The following PTPRD variants were observed in gnomAD, a reference collection of about 807,000 sequenced individuals.
PTPRD encodes the protein protein tyrosine phosphatase receptor type D.
PTPRD carries 34 observed loss-of-function variants against 214.5 expected under a neutral mutation model. The observed-to-expected ratio is 0.16, with a 90% CI of 0.12 to 0.21. The LOEUF is 0.21. Ranked by LOEUF, PTPRD falls within the 10% of genes least tolerant of loss-of-function variation. The probability of loss-of-function intolerance (pLI) is 1.00; values close to 1 mark genes in which losing one functional copy is unlikely to be tolerated. For synonymous variants in PTPRD, 1,128 were observed against 845.7 expected (o/e 1.33, Z -5.79); for missense variants, 2,545 against 2,398.7 (o/e 1.06, Z -1.27).
intron 9 of PTPRD, among the ~76,000 whole-genome samples, chr9:9,294,706 C>G (rs1164793446): frequency 6.6e-6 from 1 of 151,614 alleles, no homozygotes; most frequent in African/African-American, 2.4e-5. Context: ...CTTGCTGACA[C>G]CCTGATCTTA....
intron 3 of PTPRD, among the ~76,000 whole-genome samples, chr9:10,060,171 T>C (rs1589974198): frequency 6.6e-6 from 1 of 152,092 alleles, no homozygotes. Context: ...TTAAACTTGA[T>C]GATAATAACA....
At chr9:9,965,314 A>G (rs929915161) in intron 4 of PTPRD, among the ~76,000 whole-genome samples, 3 of 152,172 alleles carry the variant, frequency 2.0e-5, no homozygotes, top group African/African-American at 7.2e-5. Flanking sequence ...GGCTTCTAAG[A>G]AGAAACAATA....
chr9:8,926,057 C>A (rs1016595493), intron 11 of PTPRD, among the ~76,000 whole-genome samples: 2 of 151,754 alleles, frequency 1.3e-5, no homozygotes, highest in African/African-American at 4.8e-5. Context: ...TAGAAAGTAC[C>A]ACCTCTTGCC....
chr9:9,638,951 T>C (rs949373918), intron 7 of PTPRD, among the ~76,000 whole-genome samples: 19 of 152,118 alleles, frequency 1.2e-4, no homozygotes, highest in African/African-American at 4.1e-4. Flanking sequence ...TCCTTCAAAC[T>C]CTTTCATAAT....
chr9:8,661,012 T>G (rs2097034389), intron 12 of PTPRD, among the ~76,000 whole-genome samples: 1 of 152,060 alleles, frequency 6.6e-6, no homozygotes, highest in Admixed American at 6.6e-5. Context: ...TGAAAGAGCT[T>G]GTATCATTTC....
At position 9,704,894 on chromosome 9, in the gene PTPRD, A is replaced by G. The variant is rs534799780; in HGVS notation, c.-287+29639T>C. On this transcript the variant is annotated intron_variant, in intron 7 of 45. Transcript: ENST00000381196. ...ATCTGTTGATGCCACATGAAACAAAATAATCACTCAACTGAGGCCTGTCCA... is the reference window on the plus strand; with the variant it reads ...ATCTGTTGATGCCACATGAAACAAAGTAATCACTCAACTGAGGCCTGTCCA... Among the ~76,000 whole-genome samples the G allele has an allele frequency of 5.9e-5, 9 of 152,340 alleles. No individual in the cohort carries two copies. In the East Asian group the frequency reaches 1.5e-3, roughly 26 times the overall value.
chr9:10,413,207 A>G (rs1231041086), intron 2 of PTPRD, among the ~76,000 whole-genome samples: 1 of 151,896 alleles, frequency 6.6e-6, no homozygotes, highest in Non-Finnish European at 1.5e-5. Flanking sequence ...TATCTAGAAA[A>G]CCCCACAGTC....
At chr9:8,500,698 C>G (rs1448532448) in intron 24 of PTPRD, 56 bp downstream of exon 24, 1 of 1,514,130 alleles carries the variant, frequency 6.6e-7, no homozygotes, top group South Asian at 1.2e-5. Flanking sequence ...TATTGAAAGA[C>G]AGCAGATCAA....
intron 2 of PTPRD, among the ~76,000 whole-genome samples, chr9:10,479,608 C>T (rs1442304123): frequency 7.1e-5 from 8 of 112,928 alleles, no homozygotes; most frequent in Admixed American, 2.5e-4. Context: ...CGGTGAAACC[C>T]CATCTCTAAA....
At chr9:9,069,372 A>G (rs1296089178) in intron 10 of PTPRD, among the ~76,000 whole-genome samples, 1 of 152,236 alleles carries the variant, frequency 6.6e-6, no homozygotes, top group Admixed American at 6.5e-5. Context: ...TGGCTTTCAT[A>G]CATTCATGAC....
At chr9:10,595,593 TTTGCCTATATTA>T (rs2076441587) in intron 2 of PTPRD, among the ~76,000 whole-genome samples, 1 of 151,632 alleles carries the variant, frequency 6.6e-6, no homozygotes, top group Non-Finnish European at 1.5e-5. Flanking sequence ...TTAAATATAA[TTTGCCTATATTA>T]TTTAATATTT....
chr9:10,043,694 CA>C (rs1182144785), intron 3 of PTPRD, among the ~76,000 whole-genome samples: 1 of 151,664 alleles, frequency 6.6e-6, no homozygotes, highest in Non-Finnish European at 1.5e-5. Flanking sequence ...TATAAAGAAA[CA>C]AGAAGAAATA....
chr9:8,384,351 G>C (rs1416806475), intron 37 of PTPRD, among the ~76,000 whole-genome samples: 1 of 151,952 alleles, frequency 6.6e-6, no homozygotes, highest in Non-Finnish European at 1.5e-5. Context: ...ACTTGCTACA[G>C]AATCAATGAA....
intron 11 of PTPRD, among the ~76,000 whole-genome samples, chr9:8,782,021 ATATTATGTATGTT>A (rs531754034): frequency 9.2e-4 from 139 of 151,818 alleles, no homozygotes; most frequent in Admixed American, 1.8e-3. Context: ...TATATTATGC[ATATTATGTATGTT>A]TATTATGTAT....
chr9:9,971,895 A>G (rs1449190134), intron 4 of PTPRD, among the ~76,000 whole-genome samples: 1 of 152,208 alleles, frequency 6.6e-6, no homozygotes, highest in East Asian at 1.9e-4. Flanking sequence ...ATAGTATTTC[A>G]TGAATAAAAC....
intron 10 of PTPRD, among the ~76,000 whole-genome samples, chr9:9,022,271 T>C (rs537395608): frequency 1.3e-5 from 2 of 152,252 alleles, no homozygotes; most frequent in South Asian, 2.1e-4. Context: ...ATAAAGTCTA[T>C]AGTAATGTGC....
chr9:8,502,919 T>C (rs1031625290), intron 23 of PTPRD, among the ~76,000 whole-genome samples: 3 of 151,686 alleles, frequency 2.0e-5, no homozygotes, highest in Admixed American at 6.6e-5. Flanking sequence ...AAATATAATA[T>C]TGAAGCATGT....
At chr9:8,909,792 TAGAC>T (rs1442719826) in intron 11 of PTPRD, among the ~76,000 whole-genome samples, 2 of 133,026 alleles carry the variant, frequency 1.5e-5, no homozygotes, top group Non-Finnish European at 3.1e-5. Context: ...GAGATAGAGA[TAGAC>T]AGAGATAGAG....
intron 11 of PTPRD, among the ~76,000 whole-genome samples, chr9:8,811,947 G>A (rs1015786646): frequency 6.7e-6 from 1 of 149,918 alleles, no homozygotes; most frequent in African/African-American, 2.5e-5. Context: ...GTGAAGATCT[G>A]CACAGGGAAG....
Sources: allele counts gnomAD v4.1 joint callset (sites outside exome capture counted in the v4.1 genomes callset), GRCh38; gene constraint gnomAD v4.1.1; transcripts MANE v1.5; gene names NCBI Gene and HGNC (gene_info 2026-07-23, HGNC 2026-07-21).